Variants in GABRB1 observed in about 807,000 individuals in gnomAD.
GABRB1 encodes gamma-aminobutyric acid receptor subunit beta-1.
Under a neutral mutation model 51.6 loss-of-function variants are expected in GABRB1, and 17 were observed. The ratio of observed to expected loss-of-function variants is 0.33; its 90% CI spans 0.23 to 0.49. The LOEUF (loss-of-function observed/expected upper bound fraction) is 0.49. GABRB1 is among the 20% of genes least tolerant of loss of function. GABRB1 has a pLI of 0.99. For synonymous variants in GABRB1, 247 were observed against 218.9 expected (o/e 1.13, Z -1.14); for missense variants, 410 against 600.6 (o/e 0.68, Z 3.32).
chr4:47,375,886 A>T (rs66996474), intron 5 of GABRB1, among the ~76,000 whole-genome samples: 41,818 of 152,108 alleles, frequency 0.27, 6,140 homozygotes, highest in Middle Eastern at 0.37. Context: ...CGGATGATAG[A>T]TCCATGAGCT....
intron 5 of GABRB1, among the ~76,000 whole-genome samples, chr4:47,368,970 T>C (rs1176224237): frequency 6.6e-6 from 1 of 151,986 alleles, no homozygotes; most frequent in Non-Finnish European, 1.5e-5. Flanking sequence ...TAGCTGAGCA[T>C]GGTGGCAGGC....
chr4:47,046,653 A>C (rs1726104000), intron 3 of GABRB1, among the ~76,000 whole-genome samples: 1 of 151,888 alleles, frequency 6.6e-6, no homozygotes, highest in South Asian at 2.1e-4. Flanking sequence ...GAGAAGAATA[A>C]TCTAGGTAGG....
intron 3 of GABRB1, among the ~76,000 whole-genome samples, chr4:47,093,831 G>A (rs1714256550): frequency 6.6e-6 from 1 of 152,034 alleles, no homozygotes; most frequent in South Asian, 2.1e-4. Context: ...ACATGTAAAG[G>A]CCATTTATTA....
chr4:47,422,458 T>A (rs1027565576), intron 8 of GABRB1, among the ~76,000 whole-genome samples: 1 of 152,212 alleles, frequency 6.6e-6, no homozygotes, highest in Non-Finnish European at 1.5e-5. Context: ...CAGGTTCTGC[T>A]TCAGCTCTTA....
At chr4:47,128,623 C>A (rs1407356599) in intron 3 of GABRB1, among the ~76,000 whole-genome samples, 1 of 151,838 alleles carries the variant, frequency 6.6e-6, no homozygotes, top group Non-Finnish European at 1.5e-5. Flanking sequence ...TATCATGTAG[C>A]CAATTCCATG....
intron 4 of GABRB1, among the ~76,000 whole-genome samples, chr4:47,185,178 T>C (rs1040513456): frequency 6.6e-6 from 1 of 151,894 alleles, no homozygotes; most frequent in Admixed American, 6.6e-5. Context: ...TCAATGCTCT[T>C]CTCTGTATTT....
chr4:47,206,247 T>C (rs1720115641), intron 4 of GABRB1, among the ~76,000 whole-genome samples: 1 of 152,038 alleles, frequency 6.6e-6, no homozygotes, highest in Non-Finnish European at 1.5e-5. Flanking sequence ...TTGCTACGTT[T>C]TTATTCTTTG....
intron 4 of GABRB1, among the ~76,000 whole-genome samples, chr4:47,297,940 G>A (rs974286066): frequency 7.9e-5 from 12 of 152,088 alleles, no homozygotes; most frequent in African/African-American, 2.2e-4. Context: ...TTCAATATAC[G>A]CAAATCAATT....
intron 1 of GABRB1, among the ~76,000 whole-genome samples, chr4:47,012,722 C>T (rs1158897035): frequency 6.6e-6 from 1 of 152,190 alleles, no homozygotes; most frequent in Non-Finnish European, 1.5e-5. Context: ...CCTCTCATTA[C>T]ATGGCTCCAC....
intron 5 of GABRB1, among the ~76,000 whole-genome samples, chr4:47,358,906 T>C (rs1033972626): frequency 1.3e-5 from 2 of 152,148 alleles, no homozygotes; most frequent in Admixed American, 1.3e-4. Flanking sequence ...GTTTTTCAAA[T>C]ACCAGCCCTG....
chr4:47,327,566 G>T (rs1200878354), intron 5 of GABRB1, among the ~76,000 whole-genome samples: 1 of 152,032 alleles, frequency 6.6e-6, no homozygotes, highest in Non-Finnish European at 1.5e-5. Context: ...TCAGACAAAG[G>T]TAACACTTAG....
intron 4 of GABRB1, among the ~76,000 whole-genome samples, chr4:47,219,647 T>A (rs761748332): frequency 6.6e-6 from 1 of 151,916 alleles, no homozygotes; most frequent in Non-Finnish European, 1.5e-5. Flanking sequence ...ACATTCATGT[T>A]GTAAACTTCC....
At chr4:47,171,916 C>T (rs1220919650) in intron 4 of GABRB1, among the ~76,000 whole-genome samples, 1 of 152,044 alleles carries the variant, frequency 6.6e-6, no homozygotes, top group African/African-American at 2.4e-5. Context: ...CATCCAGAAG[C>T]CACCATTTGG....
intron 4 of GABRB1, among the ~76,000 whole-genome samples, chr4:47,232,876 A>ATT (rs11357071): frequency 8.7e-4 from 118 of 135,952 alleles, no homozygotes; most frequent in African/African-American, 2.6e-3. Flanking sequence ...TATGATCATC[A>ATT]TTTTTTTTTT....
At chr4:47,029,466 CT>C (rs1374780533), upstream of GABRB1, among the ~76,000 whole-genome samples, 1 of 151,258 alleles carries the variant, frequency 6.6e-6, no homozygotes, top group African/African-American at 2.4e-5. Context: ...TTATACAAAC[CT>C]TCTGATGGTT....
At chr4:47,323,833 T>C (rs962579632) in intron 5 of GABRB1, among the ~76,000 whole-genome samples, 6 of 152,346 alleles carry the variant, frequency 3.9e-5, no homozygotes, top group Admixed American at 1.3e-4. Context: ...CCATAAAGGC[T>C]TGTTAAATTG....
At chr4:47,361,586 A>C (rs1159047358) in intron 5 of GABRB1, among the ~76,000 whole-genome samples, 1 of 152,174 alleles carries the variant, frequency 6.6e-6, no homozygotes, top group African/African-American at 2.4e-5. Flanking sequence ...AGTTTGGAGA[A>C]GTACAGAGTG....
At chr4:47,150,314 A>T (rs1717375132) in intron 3 of GABRB1, among the ~76,000 whole-genome samples, 1 of 10,196 alleles carries the variant, frequency 9.8e-5, no homozygotes, top group South Asian at 6.6e-3. Flanking sequence ...AATCCATCAC[A>T]CACACACACA....
chr4:47,280,516 CA>C (rs1723248234), intron 4 of GABRB1, among the ~76,000 whole-genome samples: 1 of 150,672 alleles, frequency 6.6e-6, no homozygotes, highest in South Asian at 2.1e-4. Flanking sequence ...TGTTACTTAG[CA>C]ATCTTTTCTT....
Sources: gnomAD v4.1 joint callset for allele counts (sites outside exome capture counted in the v4.1 genomes callset) on GRCh38, gnomAD v4.1.1 for gene constraint, MANE v1.5 for transcripts, NCBI Gene and HGNC (gene_info 2026-07-23, HGNC 2026-07-21) for gene names.